RUFY4: variants seen among roughly 807,000 people sequenced by gnomAD.
RUFY4 encodes the protein RUN and FYVE domain containing 4, also known as RUN and FYVE domain-containing protein 4.
In RUFY4, 73 loss-of-function variants were observed where a neutral mutation model predicts 69.0. The ratio of observed to expected loss-of-function variants is 1.06; its 90% CI spans 0.88 to 1.29. The LOEUF (loss-of-function observed/expected upper bound fraction) is 1.29. Ranked by LOEUF, RUFY4 falls within the 50% of genes most tolerant of loss-of-function variation. The pLI is 0.00. For missense variants in RUFY4, 770 were observed against 705.6 expected (o/e 1.09, Z -1.03); for synonymous variants, 287 against 271.8 (o/e 1.06, Z -0.55).
intron 8 of RUFY4, among the ~76,000 whole-genome samples, chr2:218,077,779 A>C (rs551055549): frequency 1.3e-5 from 2 of 152,284 alleles, no homozygotes; most frequent in South Asian, 4.2e-4. Flanking sequence ...AAACCAACCC[A>C]AAAGGACCCC....
chr2:218,077,649 C>T (rs1689666930), intron 8 of RUFY4, among the ~76,000 whole-genome samples: 1 of 152,234 alleles, frequency 6.6e-6, no homozygotes, highest in Non-Finnish European at 1.5e-5. Flanking sequence ...TAACACCTGC[C>T]CCAGGTCCAA....
At chr2:218,090,362 A>G (rs1247873448) in exon 11 of RUFY4, 1 of 289,176 alleles carries the variant, frequency 3.5e-6, no homozygotes, top group Non-Finnish European at 7.0e-6. Context: ...ATGACTGTGG[A>G]TAAGACCCCA....
rs372549557 is a variant in RUFY4 at position 218,089,973 on chromosome 2, C to T, written c.1635C>T (p.Cys545=). 4 of 1,564,914 alleles carry T rather than the reference C, an allele frequency of 2.6e-6. No homozygotes were observed. In the African/African-American group the frequency reaches 4.1e-5, roughly 16 times the overall value. ...CCAGGCTCTGTGGAGGCCTGCTCTG[C>T]CATGCTTGCTCCATGGATTACAAGA... Residue 545 remains cysteine (C), a synonymous_variant, in exon 11 of 11, where the codon TGC becomes TGT. Coordinates refer to ENST00000344321, the Ensembl canonical transcript of RUFY4.
chr2:218,037,094 G>A (rs368438841), intron 2 of RUFY4, among the ~76,000 whole-genome samples: 9 of 152,064 alleles, frequency 5.9e-5, no homozygotes, highest in East Asian at 1.9e-4. Flanking sequence ...TGAGGCGGGC[G>A]GATCACTTGA....
intron 2 of RUFY4, among the ~76,000 whole-genome samples, chr2:218,048,211 T>G (rs968582990): frequency 2.6e-5 from 4 of 152,260 alleles, no homozygotes; most frequent in African/African-American, 9.6e-5. Flanking sequence ...TTGAGCTTTT[T>G]TTACACGATT....
At chr2:218,062,246 TA>T (rs1287070435) in intron 3 of RUFY4, among the ~76,000 whole-genome samples, 4 of 149,926 alleles carry the variant, frequency 2.7e-5, no homozygotes, top group African/African-American at 7.3e-5. Flanking sequence ...AAAAATATTT[TA>T]AAAAAAAAAT....
chr2:218,076,588 T>C (rs1689639057), intron 8 of RUFY4, 55 bp downstream of exon 10: 1 of 1,537,870 alleles, frequency 6.5e-7, no homozygotes, highest in South Asian at 1.2e-5. Context: ...TAGGTCCTGC[T>C]GTCAATCACG....
At chr2:218,074,517 T>C (rs1689577522) in intron 6 of RUFY4, among the ~76,000 whole-genome samples, 1 of 152,026 alleles carries the variant, frequency 6.6e-6, no homozygotes, top group African/African-American at 2.4e-5. Context: ...CAGATACTAT[T>C]AGTTCTCTGG....
upstream of RUFY4, among the ~76,000 whole-genome samples, chr2:218,068,040 C>A (rs1161840183): frequency 8.7e-6 from 1 of 115,202 alleles, no homozygotes; most frequent in Non-Finnish European, 1.9e-5. Flanking sequence ...CTGTACCAGG[C>A]AGAGTGGTTC....
At chr2:218,074,060 G>A in intron 6 of RUFY4, 175 bp downstream of exon 8, 1 of 670,500 alleles carries the variant, frequency 1.5e-6, no homozygotes, top group South Asian at 1.8e-5. Context: ...CAGAGGAGGA[G>A]AGGGCTCCTA....
At chr2:218,079,802 A>G (rs1307687304) in intron 8 of RUFY4, among the ~76,000 whole-genome samples, 1 of 152,182 alleles carries the variant, frequency 6.6e-6, no homozygotes, top group Non-Finnish European at 1.5e-5. Flanking sequence ...ATGGACATTT[A>G]GTATGCTTCT....
chr2:218,070,583 AATCACAT>A, exon 1 of RUFY4: 1 of 1,536,376 alleles, frequency 6.5e-7, no homozygotes, highest in East Asian at 2.4e-5. Flanking sequence ...AGTTGCAAGG[AATCACAT>A]CATTTCCAAG....
chr2:218,089,419 C>A, intron 10 of RUFY4, 57 bp downstream of exon 12: 2 of 1,454,608 alleles, frequency 1.4e-6, no homozygotes, highest in Non-Finnish European at 1.9e-6. Flanking sequence ...CACCAGCTGA[C>A]AGCCCCCACC....
chr2:218,085,116 A>G (rs2106073117), intron 9 of RUFY4, among the ~76,000 whole-genome samples: 1 of 152,302 alleles, frequency 6.6e-6, no homozygotes, highest in African/African-American at 2.4e-5. Context: ...ATATCCCCAA[A>G]GTGTTAGGAT....
intron 2 of RUFY4, among the ~76,000 whole-genome samples, chr2:218,049,553 C>T (rs932323831): frequency 1.3e-5 from 2 of 151,462 alleles, no homozygotes; most frequent in Non-Finnish European, 2.9e-5. Flanking sequence ...GTTGCCCAGG[C>T]TGGAGTGCAA....
intron 2 of RUFY4, among the ~76,000 whole-genome samples, chr2:218,057,837 G>T (rs928819135): frequency 6.6e-6 from 1 of 152,174 alleles, no homozygotes; most frequent in African/African-American, 2.4e-5. Flanking sequence ...TTTTAGCTTT[G>T]ACTTTAAACT....
intron 2 of RUFY4, among the ~76,000 whole-genome samples, chr2:218,055,015 T>C (rs1689029516): frequency 6.6e-6 from 1 of 152,232 alleles, no homozygotes; most frequent in Non-Finnish European, 1.5e-5. Flanking sequence ...AGTTATCATA[T>C]TTTAACCTAT....
chr2:218,088,926 A>T (rs1177308976), intron 9 of RUFY4, among the ~76,000 whole-genome samples: 1 of 111,992 alleles, frequency 8.9e-6, no homozygotes, highest in African/African-American at 3.6e-5. Flanking sequence ...TCTCTCTCCA[A>T]TCCTCTCTCT....
chr2:218,061,770 G>C (rs1007100090), intron 3 of RUFY4, among the ~76,000 whole-genome samples: 3 of 152,184 alleles, frequency 2.0e-5, no homozygotes, highest in Non-Finnish European at 2.9e-5. Flanking sequence ...TCCCTCAGTG[G>C]TGAGCACCTT....
Sources: gnomAD v4.1 joint callset for allele counts (sites outside exome capture counted in the v4.1 genomes callset) on GRCh38, gnomAD v4.1.1 for gene constraint, MANE v1.5 for transcripts, NCBI Gene and HGNC (gene_info 2026-07-23, HGNC 2026-07-21) for gene names.